TRHDE: variants seen among roughly 807,000 people sequenced by gnomAD.
TRHDE encodes the protein thyrotropin releasing hormone degrading enzyme.
In TRHDE, 72 loss-of-function variants were observed where a neutral mutation model predicts 125.7. The ratio of observed to expected loss-of-function variants is 0.57; its 90% CI spans 0.47 to 0.70. TRHDE has a LOEUF of 0.70. TRHDE is among the 30% of genes least tolerant of loss of function. TRHDE has a pLI of 0.00. For synonymous variants in TRHDE, 509 were observed against 509.1 expected, an observed-to-expected ratio of 1.00 and a Z score of 0.00; for missense variants, 1,110 against 1,327.1, an observed-to-expected ratio of 0.84 and a Z score of 2.54.
At chr12:72,659,537 C>A (rs185446729) in intron 18 of TRHDE, among the ~76,000 whole-genome samples, 1 of 152,036 alleles carries the variant, frequency 6.6e-6, no homozygotes, top group East Asian at 1.9e-4. Context: ...TAATTCTATT[C>A]ATTTACATAG....
intron 3 of TRHDE, among the ~76,000 whole-genome samples, chr12:72,387,487 C>T (rs1872469999): frequency 6.6e-6 from 1 of 151,874 alleles, no homozygotes; most frequent in Non-Finnish European, 1.5e-5. Flanking sequence ...AAGAGTTCAA[C>T]CTAAATAAAA....
intron 7 of TRHDE, chr12:72,560,688 G>T (rs1456620236): frequency 6.6e-6 from 1 of 152,046 alleles, no homozygotes; most frequent in African/African-American, 2.4e-5. Context: ...GCTGGATGTG[G>T]TGGTGTGTGC....
intron 3 of TRHDE, among the ~76,000 whole-genome samples, chr12:72,430,887 G>A (rs1874449129): frequency 6.6e-6 from 1 of 151,926 alleles, no homozygotes; most frequent in African/African-American, 2.4e-5. Flanking sequence ...ATAAACATAG[G>A]ATGCTTTTTA....
chr12:72,539,287 T>C (rs1869025221), intron 6 of TRHDE, among the ~76,000 whole-genome samples: 1 of 151,888 alleles, frequency 6.6e-6, no homozygotes, highest in South Asian at 2.1e-4. Flanking sequence ...CTTGTGTCAT[T>C]TAGGATACCA....
intron 9 of TRHDE, among the ~76,000 whole-genome samples, chr12:72,563,352 T>TA (rs1663923390): frequency 6.6e-6 from 1 of 152,208 alleles, no homozygotes; most frequent in South Asian, 2.1e-4. Context: ...TGCAAGAAGT[T>TA]AAAATGTGTT....
intron 1 of TRHDE, among the ~76,000 whole-genome samples, chr12:72,093,822 A>T (rs964416671): frequency 6.6e-6 from 1 of 151,878 alleles, no homozygotes; most frequent in Non-Finnish European, 1.5e-5. Context: ...TCATTTGTAG[A>T]TCTCCTTTTC....
chr12:72,564,260 G>A (rs1870324641), intron 9 of TRHDE, among the ~76,000 whole-genome samples: 1 of 152,106 alleles, frequency 6.6e-6, no homozygotes, highest in Non-Finnish European at 1.5e-5. Context: ...CTTCTTCCCC[G>A]AGCCTGGATT....
chr12:72,364,565 A>G (rs908236939), intron 2 of TRHDE, among the ~76,000 whole-genome samples: 1 of 152,054 alleles, frequency 6.6e-6, no homozygotes, highest in Non-Finnish European at 1.5e-5. Flanking sequence ...TAGCCTCTCA[A>G]TAAATATTTG....
At chr12:72,097,367 C>T (rs1381056091) in intron 1 of TRHDE, among the ~76,000 whole-genome samples, 1 of 149,950 alleles carries the variant, frequency 6.7e-6, no homozygotes, top group Non-Finnish European at 1.5e-5. Context: ...TCCTGGAAGG[C>T]TTTAAAGTTC....
At position 72,537,372 on chromosome 12, in the gene TRHDE, C is replaced by T. The variant is rs139524098; in HGVS notation, c.1723-4919C>T. Among the ~76,000 whole-genome samples, 354 of 152,012 alleles carry T rather than the reference C, an allele frequency of 2.3e-3. 1 individual carries two copies. The highest frequency in any genetic ancestry group is 8.1e-3 in the African/African-American group (335 of 41,492). On this transcript the variant is annotated intron_variant, in intron 6 of 18. Transcript: ENST00000261180. The stretch of plus-strand genomic sequence containing the variant: ...AAGGGAACTGATTGGATTATGGGGG[C>T]GGTTTCCCCCATACTGTTACTCATG...
chr12:72,143,190 G>A (rs1050740569), intron 2 of TRHDE, among the ~76,000 whole-genome samples: 1 of 152,176 alleles, frequency 6.6e-6, no homozygotes, highest in African/African-American at 2.4e-5. Context: ...CTGCCGACCT[G>A]CATGCTCCCT....
intron 2 of TRHDE, among the ~76,000 whole-genome samples, chr12:72,220,883 A>C (rs1038551009): frequency 9.2e-5 from 14 of 152,198 alleles, no homozygotes; most frequent in African/African-American, 3.4e-4. Context: ...TATGAAAGTT[A>C]GTATAGGTGT....
chr12:72,124,725 A>G (rs1344047758), intron 2 of TRHDE, among the ~76,000 whole-genome samples: 1 of 152,198 alleles, frequency 6.6e-6, no homozygotes, highest in East Asian at 1.9e-4. Flanking sequence ...TAATGGTGCT[A>G]TAAACGTTAT....
At chr12:72,418,860 A>G (rs544910285) in intron 3 of TRHDE, among the ~76,000 whole-genome samples, 2 of 152,178 alleles carry the variant, frequency 1.3e-5, no homozygotes, top group Non-Finnish European at 2.9e-5. Flanking sequence ...ACCAAGGAAC[A>G]TTGCTGTGTT....
Position 72,638,317 on chromosome 12 carries a change from G to A in TRHDE, c.2676-14005G>A, listed in dbSNP as rs1328628110. Among the ~76,000 whole-genome samples the A allele has an allele frequency of 7.3e-5, 11 of 151,606 alleles. No individual in the cohort carries two copies. The East Asian group carries it at 1.4e-3, about 19-fold the overall frequency. ...TGAAAGTCTGTTTTATCAGAGACTAGGATTGCAACCCCTGCCTTTTTTTGT... is the reference window on the plus strand; with the variant it reads ...TGAAAGTCTGTTTTATCAGAGACTAAGATTGCAACCCCTGCCTTTTTTTGT... On this transcript the variant is annotated intron_variant, in intron 15 of 18. Transcript: ENST00000261180.
At chr12:72,573,454 TAAGTA>T in intron 10 of TRHDE, among the ~76,000 whole-genome samples, 1 of 152,066 alleles carries the variant, frequency 6.6e-6, no homozygotes, top group Non-Finnish European at 1.5e-5. Flanking sequence ...TTCCATGGAT[TAAGTA>T]TAGTATATAA....
At chr12:72,351,913 A>G (rs1870598739) in intron 2 of TRHDE, among the ~76,000 whole-genome samples, 1 of 151,856 alleles carries the variant, frequency 6.6e-6, no homozygotes, top group African/African-American at 2.4e-5. Context: ...TTTTGCACAT[A>G]TGCTTCTCCT....
chr12:72,485,885 C>T (rs1877381663), intron 5 of TRHDE, among the ~76,000 whole-genome samples: 1 of 152,060 alleles, frequency 6.6e-6, no homozygotes, highest in South Asian at 2.1e-4. Flanking sequence ...GCACTGCTTC[C>T]CACCCTTCAG....
chr12:72,362,785 T>C (rs1487113325), intron 2 of TRHDE, among the ~76,000 whole-genome samples: 1 of 152,122 alleles, frequency 6.6e-6, no homozygotes, highest in African/African-American at 2.4e-5. Context: ...TACATATGGC[T>C]AGCCAGTTTT....
Sources: gnomAD v4.1 joint callset for allele counts (sites outside exome capture counted in the v4.1 genomes callset) on GRCh38, gnomAD v4.1.1 for gene constraint, MANE v1.5 for transcripts, NCBI Gene and HGNC (gene_info 2026-07-23, HGNC 2026-07-21) for gene names.